Variants in RPGRIP1 observed in about 807,000 individuals in gnomAD.
RPGRIP1 encodes the protein X-linked retinitis pigmentosa GTPase regulator-interacting protein 1.
A neutral mutation model predicts 157.9 loss-of-function variants in RPGRIP1; 128 were observed. The observed-to-expected ratio is 0.81, with a 90% CI of 0.70 to 0.94. The LOEUF (loss-of-function observed/expected upper bound fraction) is 0.94, where lower values mean the gene tolerates loss of function less well. Ranked by LOEUF, RPGRIP1 falls within the 40% of genes least tolerant of loss-of-function variation. The pLI, the probability that RPGRIP1 is intolerant of heterozygous loss-of-function variation, is 0.00. For missense variants in RPGRIP1, 1,486 were observed against 1,545.8 expected (o/e 0.96, Z 0.65); for synonymous variants, 554 against 571.6 (o/e 0.97, Z 0.44).
chr14:21,324,946 T>C lies in RPGRIP1; in HGVS notation c.2091T>C (p.Ala697=), dbSNP rs1566342208. The change falls in exon 15 of 25, where the codon GCT becomes GCC. Residue 697 remains alanine, a synonymous_variant. Transcript: ENST00000400017. ...DSLFLHYLQE[A]SARLDIHQAM... is the part of the protein sequence containing the mutation. ...TTTTCTTACACTACCTTCAAGAGGC[T>C]TCAGCCCGGCTTGACATACACCAGG... The C allele has an allele frequency of 6.2e-7, 1 of 1,614,032 alleles. No homozygotes were observed. The highest frequency in any genetic ancestry group is 1.7e-5 in the Admixed American group (1 of 60,018).
At chr14:21,294,573 T>C in intron 2 of RPGRIP1, 104 bp from the exon 3 acceptor site, 2 of 1,179,064 alleles carry the variant, frequency 1.7e-6, no homozygotes, top group Non-Finnish European at 2.4e-6. Context: ...AATACTTGAC[T>C]CAAGATAGAT....
chr14:21,340,208 T>C (rs1428726966), intron 21 of RPGRIP1, among the ~76,000 whole-genome samples: 1 of 152,206 alleles, frequency 6.6e-6, no homozygotes, highest in Non-Finnish European at 1.5e-5. Context: ...TGCACACATG[T>C]ATATTATTAT....
At chr14:21,321,442 G>A (rs1373888984) in intron 13 of RPGRIP1, 40 bp downstream of exon 13, 1 of 1,585,150 alleles carries the variant, frequency 6.3e-7, no homozygotes, top group Admixed American at 1.8e-5. Flanking sequence ...TGGATAACAG[G>A]AACGTGGGAA....
intron 21 of RPGRIP1, among the ~76,000 whole-genome samples, chr14:21,337,676 A>G (rs1280370518): frequency 6.6e-6 from 1 of 151,128 alleles, no homozygotes; most frequent in Non-Finnish European, 1.5e-5. Context: ...TCCTGACCTC[A>G]GGTGATCCAC....
At chr14:21,339,880 A>G (rs1884809313) in intron 21 of RPGRIP1, among the ~76,000 whole-genome samples, 1 of 152,186 alleles carries the variant, frequency 6.6e-6, no homozygotes, top group African/African-American at 2.4e-5. Context: ...CTTACATACT[A>G]CTGAGGGAAA....
At chr14:21,341,616 G>A (rs1375386478) in intron 21 of RPGRIP1, among the ~76,000 whole-genome samples, 1 of 152,118 alleles carries the variant, frequency 6.6e-6, no homozygotes, top group Non-Finnish European at 1.5e-5. Flanking sequence ...TGACTTGCCT[G>A]CCACACTGTG....
intron 23 of RPGRIP1, 59 bp from the exon 24 acceptor site, chr14:21,348,113 T>G: frequency 7.5e-7 from 1 of 1,329,936 alleles, no homozygotes; most frequent in South Asian, 1.5e-5. Context: ...TTATCCTTAT[T>G]TTATTTTTGA....
rs71419125 is a variant in RPGRIP1, at chr14:21,302,854, TC to T, written c.587+272del. The T allele has an allele frequency of 0.18, 33,565 of 190,572 alleles. 4,058 individuals are homozygous for T. The highest frequency in any genetic ancestry group is 0.29 in the Admixed American group (4,576 of 15,762). The allele number at this position is 190,572 out of a possible 1,614,324, so 11.8% of individuals were successfully genotyped here. A position where few individuals can be genotyped will look rare whatever the true frequency, so the allele number is the denominator to read the frequency against. On this transcript the variant is annotated intron_variant, in intron 5 of 24. Transcript: ENST00000400017. ...TATATTTTTTTCCTTAGGTCATAATTCCTTTGTTGTGTTTTTTTTTTTTTTT... is the reference window on the plus strand; with the variant it reads ...TATATTTTTTTCCTTAGGTCATAATTCTTTGTTGTGTTTTTTTTTTTTTTT...
intron 2 of RPGRIP1, among the ~76,000 whole-genome samples, chr14:21,292,003 C>T (rs376822212): frequency 5.3e-5 from 8 of 152,246 alleles, no homozygotes; most frequent in East Asian, 3.9e-4. Context: ...CGTGATCCTC[C>T]GGCCTCAGCC....
intron 21 of RPGRIP1, among the ~76,000 whole-genome samples, chr14:21,337,489 G>C (rs1884491445): frequency 6.7e-6 from 1 of 148,628 alleles, no homozygotes; most frequent in Non-Finnish European, 1.5e-5. Flanking sequence ...CCAGGCTGGA[G>C]TGCGTGCAGT....
intron 23 of RPGRIP1, among the ~76,000 whole-genome samples, chr14:21,346,058 G>A (rs1354039477): frequency 3.3e-5 from 5 of 151,858 alleles, no homozygotes; most frequent in African/African-American, 1.2e-4. Flanking sequence ...TGATCCTTCT[G>A]CCTCAGACTC....
In RPGRIP1 at chr14:21,317,838, T is replaced by C; in HGVS notation, c.1294T>C (p.Ser432Pro). ...CAAGAGAAAAGTTTTACTTGAGCTG[T>C]CCAGGGAGAAAGGTAGGCTGGACCT... Reference protein sequence around the residue: ...EDKRKVLLELSREKAQNEDLK... With the variant: ...EDKRKVLLELPREKAQNEDLK... Residue 432 changes from serine to proline, a missense_variant, in exon 11 of 25, where the codon TCC becomes CCC. Transcript: ENST00000400017. The C allele has an allele frequency of 6.2e-7, 1 of 1,605,544 alleles. No individual in the cohort carries two copies. The highest frequency in any genetic ancestry group is 8.5e-7 in the Non-Finnish European group (1 of 1,175,800).
At chr14:21,290,624 G>A (rs531349022) in intron 2 of RPGRIP1, among the ~76,000 whole-genome samples, 2 of 152,122 alleles carry the variant, frequency 1.3e-5, no homozygotes, top group East Asian at 1.9e-4. Context: ...ATCCTTCCTG[G>A]CTAACACAGT....
At position 21,305,289 on chromosome 14, in the gene RPGRIP1, T is replaced by G. The variant is rs569966822; in HGVS notation, c.800+1746T>G. Among the ~76,000 whole-genome samples, 19 of 152,344 alleles carry G rather than the reference T, an allele frequency of 1.2e-4. No individual in the cohort carries two copies. The South Asian group carries it at 3.9e-3, about 32-fold the overall frequency. On this transcript the variant is annotated intron_variant, in intron 6 of 24. Coordinates refer to ENST00000400017, the MANE Select transcript of RPGRIP1 (RefSeq NM_020366.4). Reference sequence around the variant, plus strand: ...GTTTTGCCTCTTCTAGAATGTCATATAGTTGGGATTACACAGTATGTGGCC... The same window carrying G: ...GTTTTGCCTCTTCTAGAATGTCATAGAGTTGGGATTACACAGTATGTGGCC...
chr14:21,322,108 G>T, intron 14 of RPGRIP1, 104 bp downstream of exon 14: 4 of 905,588 alleles, frequency 4.4e-6, no homozygotes, highest in South Asian at 4.3e-5. Context: ...CATACCCTTA[G>T]CATATGACTT....
intron 6 of RPGRIP1, among the ~76,000 whole-genome samples, chr14:21,306,543 C>A (rs1038801965): frequency 6.6e-6 from 1 of 151,780 alleles, no homozygotes; most frequent in Non-Finnish European, 1.5e-5. Flanking sequence ...ACTGTAATCT[C>A]CACCTCCCAG....
chr14:21,288,108 T>C, intron 2 of RPGRIP1, 47 bp downstream of exon 2: 4 of 1,219,246 alleles, frequency 3.3e-6, no homozygotes, highest in East Asian at 2.3e-5. Flanking sequence ...TTAAAAGAAC[T>C]CTCACTGTGG....
At chr14:21,319,444 A>T (rs1046003381) in intron 11 of RPGRIP1, among the ~76,000 whole-genome samples, 1 of 152,138 alleles carries the variant, frequency 6.6e-6, no homozygotes, top group African/African-American at 2.4e-5. Context: ...CGCCTGTAAT[A>T]CCAGCTACTC....
intron 7 of RPGRIP1, among the ~76,000 whole-genome samples, chr14:21,308,728 G>C (rs1038031195): frequency 1.3e-5 from 2 of 152,212 alleles, no homozygotes; most frequent in Non-Finnish European, 2.9e-5. Flanking sequence ...GAGACAGAGG[G>C]AGAAGGACTC....
Sources: gnomAD v4.1 joint callset for allele counts (sites outside exome capture counted in the v4.1 genomes callset) on GRCh38, gnomAD v4.1.1 for gene constraint, MANE v1.5 for transcripts, NCBI Gene and HGNC (gene_info 2026-07-23, HGNC 2026-07-21) for gene names.